VIPR2: variants seen among roughly 807,000 people sequenced by gnomAD.
VIPR2 encodes the protein vasoactive intestinal peptide receptor 2.
In VIPR2, 48 loss-of-function variants were observed where a neutral mutation model predicts 58.0. The ratio of observed to expected loss-of-function variants is 0.83; its 90% confidence interval spans 0.66 to 1.05. The LOEUF (loss-of-function observed/expected upper bound fraction) is 1.05, where lower values mean the gene tolerates loss of function less well. Ranked by LOEUF, VIPR2 falls within the 50% of genes least tolerant of loss-of-function variation. VIPR2 has a pLI of 0.00. For missense variants in VIPR2, 534 were observed against 558.0 expected (o/e 0.96, Z 0.43); for synonymous variants, 243 against 235.2 (o/e 1.03, Z -0.30).
rs537073775 is a variant in VIPR2 at position 159,031,321 on chromosome 7, C to A, written c.1143+507G>T. On this transcript the variant is annotated intron_variant, in intron 12 of 12. Transcript: ENST00000262178. The surrounding 1 kb of genome is among the most constrained non-coding windows in gnomAD (Gnocchi z 4.0). ...AAGCGCCAGCAACCGCAGCGTGGGG[C>A]GGGAGGGTCAGGGGTCAGGGGACGG... Among the ~76,000 whole-genome samples the A allele has an allele frequency of 7.2e-6, 1 of 139,690 alleles. No individual in the cohort carries two copies. Among genetic ancestry groups the A allele is most frequent in the African/African-American group, 2.6e-5 (1 of 38,848 alleles). 91.6% of individuals were successfully genotyped at this position (139,690 alleles called of 152,430 possible).
At chr7:159,061,832 C>T (rs1855680817) in intron 4 of VIPR2, among the ~76,000 whole-genome samples, 1 of 152,070 alleles carries the variant, frequency 6.6e-6, no homozygotes, top group Non-Finnish European at 1.5e-5. Flanking sequence ...GGCGGAGTAC[C>T]GGGATCAAGC....
At chr7:159,122,395 A>G (rs1796486565) in intron 2 of VIPR2, among the ~76,000 whole-genome samples, 1 of 152,188 alleles carries the variant, frequency 6.6e-6, no homozygotes, top group Non-Finnish European at 1.5e-5. Flanking sequence ...TCCCATCGGA[A>G]TCTCTCTTTG....
At chr7:159,063,777 AGGTGGGGTCTGGGGGTCCT>A (rs1383634811) in intron 4 of VIPR2, among the ~76,000 whole-genome samples, 535 of 15,036 alleles carry the variant, frequency 0.036, 28 homozygotes, top group African/African-American at 0.1. Flanking sequence ...CTGGGAGTCC[AGGTGGGGTCTGGGGGTCCT>A]GGTGGGGTCC....
chr7:159,073,954 G>T (rs1856525379), intron 4 of VIPR2, among the ~76,000 whole-genome samples: 1 of 152,138 alleles, frequency 6.6e-6, no homozygotes, highest in Non-Finnish European at 1.5e-5. Flanking sequence ...GGGGCTGATG[G>T]AATCAGAGCC....
rs779479481 is a variant in VIPR2, at chr7:159,035,995, T to G, written c.766A>C (p.Ile256Leu). ...LIGWGLPTVCIGAWTAARLYL... is the reference protein window; with the variant it reads ...LIGWGLPTVCLGAWTAARLYL... The stretch of plus-strand genomic sequence containing the variant: ...AGCCTGGCCGCAGTCCATGCACCGA[T>G]GCAGACGGTGGGGAGGCCTGCAGAG... The change falls in exon 8 of 13, where the codon ATC becomes CTC. Residue 256 changes from isoleucine (I) to leucine (L), a missense_variant. Ile to Leu is a conservative substitution (Grantham distance 5, BLOSUM62 2). Transcript: ENST00000262178. 6 of 1,613,368 alleles carry G rather than the reference T, an allele frequency of 3.7e-6. No individual in the cohort carries two copies. The African/African-American group carries it at 6.7e-5, about 18-fold the overall frequency.
Position 159,127,790 on chromosome 7 carries a change from T to G in VIPR2, c.151+14656A>C, listed in dbSNP as rs950770806. Among the ~76,000 whole-genome samples the G allele has an allele frequency of 6.6e-6, 1 of 152,156 alleles. No individual in the cohort carries two copies. The highest frequency in any genetic ancestry group is 6.5e-5 in the Admixed American group (1 of 15,280). On this transcript the variant is annotated intron_variant, in intron 2 of 12. Transcript: ENST00000262178. This position sits in a 1 kb window ranked among gnomAD's most constrained non-coding sequence, Gnocchi z 4.6. ...TGGACAGCCAGTGCTTCCTTCCACGTCAAATATTCTCAAACCCTTTTCCCA... is the reference window on the plus strand; with the variant it reads ...TGGACAGCCAGTGCTTCCTTCCACGGCAAATATTCTCAAACCCTTTTCCCA...
intron 2 of VIPR2, among the ~76,000 whole-genome samples, chr7:159,132,444 C>T (rs1394004686): frequency 2.8e-4 from 42 of 150,660 alleles, no homozygotes; most frequent in African/African-American, 9.2e-4. Context: ...GGGTGTTCTA[C>T]AGGAACTGGC....
intron 1 of VIPR2, chr7:159,144,298 CA>C (rs1797597491): frequency 2.1e-6 from 3 of 1,396,612 alleles, no homozygotes; most frequent in Non-Finnish European, 2.8e-6. Flanking sequence ...TAAAACTAAC[CA>C]GTAAGTACAG....
chr7:159,048,375 C>G (rs1854776753), intron 5 of VIPR2, among the ~76,000 whole-genome samples: 3 of 152,168 alleles, frequency 2.0e-5, no homozygotes, highest in Admixed American at 2.0e-4. Flanking sequence ...GGAAATGACT[C>G]CTGGTACCAG....
intron 2 of VIPR2, among the ~76,000 whole-genome samples, chr7:159,122,154 G>A (rs184447593): frequency 2.4e-3 from 370 of 152,324 alleles, no homozygotes; most frequent in African/African-American, 8.4e-3. Flanking sequence ...AGCATAATAG[G>A]AGGTCAAGGG....
rs765021948 is a variant in VIPR2 at position 159,036,024 on chromosome 7, C to T, written c.749-12G>A. On this transcript the variant is annotated splice_polypyrimidine_tract_variant and intron_variant, in intron 7 of 12. Transcript: ENST00000262178. Reference sequence around the variant, plus strand: ...GACGGTGGGGAGGCCTGCAGAGAGACGCCTGGTTACACAGGTGGAGCGGAG... The same window carrying T: ...GACGGTGGGGAGGCCTGCAGAGAGATGCCTGGTTACACAGGTGGAGCGGAG... 3.7e-5 allele frequency: 60 copies of T among 1,612,064 alleles called. No homozygotes were observed. Among genetic ancestry groups the T allele is most frequent in the Admixed American group, 1.2e-4 (7 of 59,890 alleles).
chr7:159,064,280 T>TGGCTGAGGCGACCCTGCACCTGGGCCCC (rs1855952990), intron 4 of VIPR2, among the ~76,000 whole-genome samples: 1 of 151,986 alleles, frequency 6.6e-6, no homozygotes, highest in Non-Finnish European at 1.5e-5. Context: ...CACTGGGGCC[T>TGGCTGAGGCGACCCTGCACCTGGGCCCC]GGCTGAGGCG....
At chr7:159,138,726 T>G (rs1797331869) in intron 2 of VIPR2, among the ~76,000 whole-genome samples, 1 of 152,246 alleles carries the variant, frequency 6.6e-6, no homozygotes, top group South Asian at 2.1e-4. Flanking sequence ...TACCCACGTG[T>G]GGACGTGTGC....
At chr7:159,066,652 G>A (rs1029512135) in intron 4 of VIPR2, among the ~76,000 whole-genome samples, 1 of 152,228 alleles carries the variant, frequency 6.6e-6, no homozygotes, top group Admixed American at 6.5e-5. Context: ...TGTCTGAATT[G>A]CTTCCACTCC....
intron 3 of VIPR2, 75 bp downstream of exon 3, chr7:159,109,737 T>G: frequency 2.2e-6 from 3 of 1,392,786 alleles, no homozygotes; most frequent in Non-Finnish European, 3.1e-6. Context: ...ATGTTCCTGC[T>G]TCTTGGATGG....
intron 4 of VIPR2, among the ~76,000 whole-genome samples, chr7:159,063,760 G>GTGGGTTC (rs1855874361): frequency 7.2e-6 from 1 of 138,428 alleles, no homozygotes; most frequent in African/African-American, 3.0e-5. Context: ...GGGGGACCTG[G>GTGGGTTC]CGGGGTCTGG....
At chr7:159,144,534 C>A (rs1257456866) in intron 1 of VIPR2, 187 bp downstream of exon 1, 7 of 1,509,514 alleles carry the variant, frequency 4.6e-6, no homozygotes, top group Non-Finnish European at 6.2e-6. Context: ...CCGGCGGGAC[C>A]GGAGCTCAGC....
intron 4 of VIPR2, among the ~76,000 whole-genome samples, chr7:159,063,636 G>C (rs987124467): frequency 2.0e-5 from 3 of 151,180 alleles, no homozygotes; most frequent in Non-Finnish European, 3.0e-5. Flanking sequence ...CACCGAGGCA[G>C]AGGAGGCGCC....
At chr7:159,108,077 G>A (rs1203618278) in intron 3 of VIPR2, among the ~76,000 whole-genome samples, 1 of 152,214 alleles carries the variant, frequency 6.6e-6, no homozygotes, top group African/African-American at 2.4e-5. Context: ...ACAGGTCATG[G>A]GAGGAGCAGC....
Sources: allele counts gnomAD v4.1 joint callset (sites outside exome capture counted in the v4.1 genomes callset), GRCh38; gene constraint gnomAD v4.1.1; non-coding constraint Gnocchi (gnomAD v3.1); transcripts MANE v1.5; gene names NCBI Gene and HGNC (gene_info 2026-07-23, HGNC 2026-07-21).